CAMK4: variants seen among roughly 807,000 people sequenced by gnomAD.
The protein encoded by CAMK4 is calcium/calmodulin dependent protein kinase IV, also known as calcium/calmodulin-dependent protein kinase type IV.
Under a neutral mutation model 44.9 loss-of-function variants are expected in CAMK4, and 22 were observed. The ratio of observed to expected loss-of-function variants is 0.49; its 90% CI spans 0.35 to 0.70. The LOEUF is 0.70. CAMK4 is among the 30% of genes least tolerant of loss of function. CAMK4 has a pLI of 0.01. For missense variants in CAMK4, 498 were observed against 586.8 expected (o/e 0.85, Z 1.56); for synonymous variants, 218 against 215.4 (o/e 1.01, Z -0.11).
At chr5:111,300,008 G>A (rs762797697) in intron 1 of CAMK4, among the ~76,000 whole-genome samples, 2 of 152,134 alleles carry the variant, frequency 1.3e-5, no homozygotes, top group Non-Finnish European at 2.9e-5. Context: ...CCAAGAGTCA[G>A]CTATATCTGG....
intron 5 of CAMK4, among the ~76,000 whole-genome samples, chr5:111,416,146 G>A (rs1254727382): frequency 2.0e-5 from 3 of 151,946 alleles, no homozygotes; most frequent in East Asian, 1.9e-4. Flanking sequence ...TGGAATAAAC[G>A]TTAAATTCTT....
intron 1 of CAMK4, among the ~76,000 whole-genome samples, chr5:111,255,633 T>C (rs1368198934): frequency 2.0e-5 from 3 of 152,208 alleles, no homozygotes; most frequent in Non-Finnish European, 4.4e-5. Context: ...TGAGCCTGTC[T>C]CGGGAATGGA....
At chr5:111,237,667 G>C (rs1011170905) in intron 1 of CAMK4, among the ~76,000 whole-genome samples, 6 of 152,234 alleles carry the variant, frequency 3.9e-5, no homozygotes, top group Non-Finnish European at 8.8e-5. Context: ...CTCTAGTTTT[G>C]CTTTTAGAAA....
chr5:111,273,732 TAC>T lies in CAMK4; in HGVS notation c.161+49099_161+49100del, dbSNP rs575947661. ...ATATATATATATACACACACATACA[TAC>T]ACACACACACGCTCACACACACATA... On this transcript the variant is annotated intron_variant, in intron 1 of 10. Coordinates refer to ENST00000282356, the MANE Select transcript of CAMK4 (RefSeq NM_001744.6). 8.5e-3 allele frequency among the ~76,000 whole-genome samples: 872 copies of T among 102,256 alleles called. 41 individuals carry two copies. The highest frequency in any genetic ancestry group is 0.03 in the African/African-American group (809 of 27,380). 67.1% of individuals were successfully genotyped at this position (102,256 alleles called of 152,430 possible).
chr5:111,365,068 C>T (rs1373143157), intron 2 of CAMK4: 1 of 152,184 alleles, frequency 6.6e-6, no homozygotes, highest in Non-Finnish European at 1.5e-5. Context: ...AAAAGAGCAT[C>T]TGAGACAGAG....
intron 1 of CAMK4, among the ~76,000 whole-genome samples, chr5:111,234,713 T>G (rs897320354): frequency 6.6e-6 from 1 of 152,148 alleles, no homozygotes; most frequent in African/African-American, 2.4e-5. Context: ...TTCAGGGTAG[T>G]ATGGCTCAAA....
At chr5:111,402,108 A>G (rs1251870017) in intron 5 of CAMK4, among the ~76,000 whole-genome samples, 4 of 152,218 alleles carry the variant, frequency 2.6e-5, no homozygotes, top group Admixed American at 6.5e-5. Context: ...CAAGCAGAAA[A>G]TCAGAGTCAG....
In CAMK4 at chr5:111,493,828, G is replaced by A. The variant is rs1254309724; in HGVS notation, c.*9362G>A. The A allele has an allele frequency of 6.6e-6, 1 of 152,168 alleles. No individual in the cohort carries two copies. The highest frequency in any genetic ancestry group is 1.9e-4 in the East Asian group (1 of 5,200). The allele number at this position is 152,168 out of a possible 1,614,324, so 9.4% of individuals were successfully genotyped here. A position where few individuals can be genotyped will look rare whatever the true frequency, so the allele number is the denominator to read the frequency against. On this transcript the variant is annotated 3_prime_UTR_variant, in exon 11 of 11. Coordinates refer to ENST00000282356, the MANE Select transcript of CAMK4 (RefSeq NM_001744.6). The surrounding 1 kb of genome is among the most constrained non-coding windows in gnomAD (Gnocchi z 4.1). ...GTCTTGCCTCTTTATTTCAGATAAT[G>A]CCTGTGATTAGTGAATGGCGGCATT... is the stretch of plus-strand genomic sequence containing the variant.
intron 1 of CAMK4, among the ~76,000 whole-genome samples, chr5:111,322,958 TAGAG>T (rs1209355786): frequency 1.3e-5 from 2 of 152,068 alleles, no homozygotes; most frequent in African/African-American, 4.8e-5. Context: ...ATCTGAAGAA[TAGAG>T]AGAAAAGCAA....
At chr5:111,317,515 C>T (rs1290374374) in intron 1 of CAMK4, among the ~76,000 whole-genome samples, 2 of 152,058 alleles carry the variant, frequency 1.3e-5, no homozygotes, top group African/African-American at 4.8e-5. Context: ...AAATAAAGTG[C>T]CTCAGCCAAT....
chr5:111,468,609 C>T (rs1372653126), intron 7 of CAMK4, among the ~76,000 whole-genome samples: 1 of 152,136 alleles, frequency 6.6e-6, no homozygotes, highest in Non-Finnish European at 1.5e-5. Context: ...TCTTCTGGCT[C>T]TTGGAAAAGG....
intron 1 of CAMK4, among the ~76,000 whole-genome samples, chr5:111,319,582 A>C (rs1292022271): frequency 6.6e-6 from 1 of 152,136 alleles, no homozygotes; most frequent in Non-Finnish European, 1.5e-5. Flanking sequence ...GAACGTGATG[A>C]GTTCCCAGTG....
intron 5 of CAMK4, among the ~76,000 whole-genome samples, chr5:111,423,802 A>G (rs925148921): frequency 6.6e-6 from 1 of 152,148 alleles, no homozygotes; most frequent in Non-Finnish European, 1.5e-5. Context: ...AACAATAACA[A>G]TCTCGGTAAT....
At chr5:111,311,542 G>A (rs113599798) in intron 1 of CAMK4, among the ~76,000 whole-genome samples, 2 of 152,270 alleles carry the variant, frequency 1.3e-5, no homozygotes, top group African/African-American at 4.8e-5. Context: ...GTTCTGGACA[G>A]TTTGTGACCT....
chr5:111,455,926 A>G (rs1222920280), intron 7 of CAMK4, among the ~76,000 whole-genome samples: 26 of 152,268 alleles, frequency 1.7e-4, no homozygotes, highest in Admixed American at 1.7e-3. Flanking sequence ...GCTATTATAA[A>G]GAATAAATAA....
In CAMK4 at chr5:111,473,581, G is replaced by A. The variant is rs114521245; in HGVS notation, c.701+195G>A. On this transcript the variant is annotated intron_variant, in intron 8 of 10. Coordinates refer to ENST00000282356, the MANE Select transcript of CAMK4 (RefSeq NM_001744.6). ...TTTATTTTGGAATTTTCTTGAGACC[G>A]GAATTCTTGTCCAGGGCTTTCCTAT... Among the ~76,000 whole-genome samples the A allele has an allele frequency of 1.5e-3, 225 of 152,238 alleles. 1 individual carries two copies. The highest frequency in any genetic ancestry group is 5.2e-3 in the African/African-American group (214 of 41,548).
intron 2 of CAMK4, among the ~76,000 whole-genome samples, chr5:111,348,610 G>T (rs1019098196): frequency 1.3e-5 from 2 of 151,888 alleles, no homozygotes; most frequent in African/African-American, 2.4e-5. Flanking sequence ...CATAAAGTCT[G>T]CAATTTACTT....
Position 111,484,104 on chromosome 5 carries a change from A to G in CAMK4, c.1060A>G (p.Lys354Glu), listed in dbSNP as rs1755526392. Residue 354 changes from lysine (K) to glutamate (E), a missense_variant, in exon 11 of 11, where the codon AAG becomes GAG. Physicochemically the swap from Lys to Glu is moderately conservative, Grantham distance 56. Around this residue, in one of 3 missense-constraint regions of CAMK4, gnomAD observed 143 missense variants for 144.9 expected, o/e 0.99. Coordinates refer to ENST00000282356, the MANE Select transcript of CAMK4 (RefSeq NM_001744.6). The surrounding 1 kb of genome is among the most constrained non-coding windows in gnomAD (Gnocchi z 5.3). ...CCATGGCAGCATCCAGGAGAGCCAC[A>G]AGGCTAGCCGAGACCCTTCTCCAAT... is the stretch of plus-strand genomic sequence containing the variant. Reference protein sequence around the residue: ...SSHGSIQESHKASRDPSPIQD... With the variant: ...SSHGSIQESHEASRDPSPIQD... 1 of 1,613,850 alleles carries G rather than the reference A, an allele frequency of 6.2e-7. No individual in the cohort carries two copies.
chr5:111,482,335 G>C lies in CAMK4; in HGVS notation c.829-450G>C, dbSNP rs1755462008. ...ATAAGGTAGTATTCCATAAGTTCTG[G>C]GATACTCTCCCTTTTGTTTGCCATT... On this transcript the variant is annotated intron_variant, in intron 9 of 10. Coordinates refer to ENST00000282356, the MANE Select transcript of CAMK4 (RefSeq NM_001744.6). The surrounding 1 kb of genome is among the most constrained non-coding windows in gnomAD (Gnocchi z 4.9). 6.5e-6 allele frequency: 1 copy of C among 152,734 alleles called. No homozygotes were observed. Among genetic ancestry groups the C allele is most frequent in the South Asian group, 2.1e-4 (1 of 4,828 alleles). The allele number at this position is 152,734 out of a possible 1,614,324, so 9.5% of individuals were successfully genotyped here.
Sources: allele counts gnomAD v4.1 joint callset (sites outside exome capture counted in the v4.1 genomes callset), GRCh38; gene constraint gnomAD v4.1.1; regional missense constraint gnomAD v4.1.1; non-coding constraint Gnocchi (gnomAD v3.1); transcripts MANE v1.5; gene names NCBI Gene and HGNC (gene_info 2026-07-23, HGNC 2026-07-21).